The following RIMS2 variants were observed in gnomAD, a reference collection of about 807,000 sequenced individuals.
The protein encoded by RIMS2 is regulating synaptic membrane exocytosis protein 2.
RIMS2 carries 59 observed loss-of-function variants against 174.4 expected under a neutral mutation model. The observed-to-expected ratio is 0.34, with a 90% CI of 0.27 to 0.42. RIMS2 has a LOEUF of 0.42. Ranked by LOEUF, RIMS2 falls within the 10% of genes least tolerant of loss-of-function variation. RIMS2 has a pLI of 1.00. For missense variants in RIMS2, 1,620 were observed against 1,666.3 expected (o/e 0.97, Z 0.48); for synonymous variants, 606 against 572.5 (o/e 1.06, Z -0.84).
intron 19 of RIMS2, among the ~76,000 whole-genome samples, chr8:104,058,449 A>T (rs1474250002): frequency 2.0e-5 from 3 of 150,864 alleles, no homozygotes; most frequent in South Asian, 2.1e-4. Context: ...GTTTGAGTTC[A>T]TTGTAGATTC....
intron 19 of RIMS2, among the ~76,000 whole-genome samples, chr8:104,117,838 C>T (rs7000750): frequency 0.3 from 45,917 of 152,008 alleles, 7,691 homozygotes; most frequent in African/African-American, 0.45. Flanking sequence ...CATAGCCTTG[C>T]TAAAAATGTA....
At chr8:104,094,494 G>T in intron 19 of RIMS2, 1 of 679,610 alleles carries the variant, frequency 1.5e-6, no homozygotes, top group East Asian at 2.7e-5. Context: ...GGGAATAGAA[G>T]AGGGAGGGAA....
At chr8:104,100,816 ATATTATATATGTAATATATAATATATATG>A (rs1261665898) in intron 19 of RIMS2, among the ~76,000 whole-genome samples, 55 of 141,394 alleles carry the variant, frequency 3.9e-4, no homozygotes, top group African/African-American at 1.2e-3. Context: ...ATTATATATT[ATATTATATATGTAATATATAATATATATG>A]TATTATATAT....
chr8:103,978,197 T>C (rs1359723784), intron 16 of RIMS2, among the ~76,000 whole-genome samples: 1 of 152,200 alleles, frequency 6.6e-6, no homozygotes, highest in Non-Finnish European at 1.5e-5. Flanking sequence ...CACTTTACTT[T>C]TATCAGGGAA....
chr8:104,198,798 G>C (rs2099038698), intron 19 of RIMS2, among the ~76,000 whole-genome samples: 1 of 152,088 alleles, frequency 6.6e-6, no homozygotes, highest in Admixed American at 6.6e-5. Flanking sequence ...TGCCAAGGGA[G>C]CAAAATTCCA....
intron 1 of RIMS2, among the ~76,000 whole-genome samples, chr8:103,555,133 A>C (rs983760962): frequency 6.6e-6 from 1 of 152,156 alleles, no homozygotes; most frequent in Non-Finnish European, 1.5e-5. Context: ...GCCCCAAGAA[A>C]CACAACTTAC....
intron 16 of RIMS2, among the ~76,000 whole-genome samples, chr8:103,981,429 G>T (rs577688525): frequency 6.6e-6 from 1 of 152,232 alleles, no homozygotes; most frequent in South Asian, 2.1e-4. Flanking sequence ...AGAAGGATGG[G>T]CACAACAAGC....
At chr8:103,503,915 A>T (rs1478636402) in intron 1 of RIMS2, among the ~76,000 whole-genome samples, 1 of 152,092 alleles carries the variant, frequency 6.6e-6, no homozygotes, top group East Asian at 1.9e-4. Flanking sequence ...TAGGAGCCTG[A>T]ATAATTAAAA....
In RIMS2 at chr8:103,856,200, G is replaced by A. The variant is rs186618634; in HGVS notation, c.699-29098G>A. On this transcript the variant is annotated intron_variant, in intron 3 of 23. Coordinates refer to ENST00000504942, the Ensembl canonical transcript of RIMS2. ...GATAGCAACTCTGTTATCTGATATA[G>A]GATAGCAACTCCTGCTCATTTTGTT... 1.3e-3 allele frequency among the ~76,000 whole-genome samples: 201 copies of A among 152,066 alleles called. 1 individual carries two copies. The highest frequency in any genetic ancestry group is 4.4e-3 in the African/African-American group (182 of 41,398).
chr8:104,225,819 A>G (rs1465164813), intron 19 of RIMS2, among the ~76,000 whole-genome samples: 2 of 152,190 alleles, frequency 1.3e-5, no homozygotes, highest in African/African-American at 4.8e-5. Flanking sequence ...TCTACTAGTA[A>G]CTAGAGAGGA....
intron 19 of RIMS2, among the ~76,000 whole-genome samples, chr8:104,208,856 G>A (rs1384144368): frequency 6.6e-6 from 1 of 152,132 alleles, no homozygotes; most frequent in Admixed American, 6.5e-5. Context: ...CTTTTAAATG[G>A]ACCCGAAATT....
At chr8:104,254,643 T>C (rs1244885251), downstream of RIMS2, 1 of 152,188 alleles carries the variant, frequency 6.6e-6, no homozygotes, top group Non-Finnish European at 1.5e-5. Context: ...GTGCTGTTTT[T>C]TAAAAGGTTG....
chr8:103,852,052 G>A (rs1309615126), intron 3 of RIMS2, among the ~76,000 whole-genome samples: 5 of 151,920 alleles, frequency 3.3e-5, no homozygotes, highest in African/African-American at 4.8e-5. Flanking sequence ...ACTCCAAGAC[G>A]GGATAGACAC....
At chr8:104,090,355 C>T (rs1181554479) in intron 19 of RIMS2, among the ~76,000 whole-genome samples, 1 of 151,632 alleles carries the variant, frequency 6.6e-6, no homozygotes, top group Non-Finnish European at 1.5e-5. Context: ...CAAATTAAAG[C>T]CTTTATGCAC....
chr8:103,862,127 T>G lies in RIMS2; in HGVS notation c.699-23171T>G, dbSNP rs1259033736. ...GTTTCAGGTCTTACATGTAATTATTTAATCTATCTTGAGTTAATTTTTATA... is the reference window on the plus strand; with the variant it reads ...GTTTCAGGTCTTACATGTAATTATTGAATCTATCTTGAGTTAATTTTTATA... On this transcript the variant is annotated intron_variant, in intron 3 of 23. Coordinates refer to ENST00000504942, the Ensembl canonical transcript of RIMS2. Among the ~76,000 whole-genome samples the G allele has an allele frequency of 3.3e-5, 5 of 152,284 alleles. No homozygotes were observed. The East Asian group carries it at 9.6e-4, about 29-fold the overall frequency.
chr8:104,016,460 C>T (rs936820980), intron 19 of RIMS2, among the ~76,000 whole-genome samples: 5 of 151,888 alleles, frequency 3.3e-5, no homozygotes, highest in Non-Finnish European at 7.4e-5. Context: ...TCTGTTTTGT[C>T]GTTCTTTCTA....
chr8:103,666,103 G>A (rs767456499), intron 1 of RIMS2, among the ~76,000 whole-genome samples: 5 of 152,122 alleles, frequency 3.3e-5, no homozygotes, highest in Non-Finnish European at 7.4e-5. Flanking sequence ...AGAGACTTTG[G>A]CACTGCCACA....
At position 103,958,501 on chromosome 8, in the gene RIMS2, C is replaced by G. The variant is rs2023031; in HGVS notation, c.2702-2564C>G. Among the ~76,000 whole-genome samples the G allele has an allele frequency of 9.8e-3, 1,497 of 152,168 alleles. 19 individuals are homozygous for G. Among genetic ancestry groups the G allele is most frequent in the South Asian group, 0.046 (222 of 4,822 alleles). ...TGAAATATTCTGTAAAACAAACTCT[C>G]GGGACACGAGTTGACCTATGTAACA... On this transcript the variant is annotated intron_variant, in intron 14 of 23. Coordinates refer to ENST00000504942, the Ensembl canonical transcript of RIMS2.
chr8:103,703,144 C>G (rs1338152155), intron 2 of RIMS2, among the ~76,000 whole-genome samples: 1 of 151,638 alleles, frequency 6.6e-6, no homozygotes, highest in Non-Finnish European at 1.5e-5. Flanking sequence ...CCATACCTGG[C>G]TAATTTTTTG....
Sources: allele counts gnomAD v4.1 joint callset (sites outside exome capture counted in the v4.1 genomes callset), GRCh38; gene constraint gnomAD v4.1.1; transcripts MANE v1.5; gene names NCBI Gene and HGNC (gene_info 2026-07-23, HGNC 2026-07-21).